The following MXRA5 variants were observed in gnomAD, a reference collection of about 807,000 sequenced individuals.
The protein encoded by MXRA5 is matrix-remodeling-associated protein 5.
Under a neutral mutation model 112.5 loss-of-function variants are expected in MXRA5, and 41 were observed. The ratio of observed to expected loss-of-function variants is 0.36; its 90% CI spans 0.28 to 0.47. The LOEUF (loss-of-function observed/expected upper bound fraction) is 0.47. Ranked by LOEUF, MXRA5 falls within the 20% of genes least tolerant of loss-of-function variation. The pLI is 0.99. For missense variants in MXRA5, 2,150 were observed against 2,251.0 expected, an observed-to-expected ratio of 0.96 and a Z score of 0.91; for synonymous variants, 862 against 900.8, an observed-to-expected ratio of 0.96 and a Z score of 0.77.
chrX:3,328,731 G>A (rs1241908288), intron 4 of MXRA5, among the ~76,000 whole-genome samples: 1 of 106,800 alleles, frequency 9.4e-6, no homozygotes, highest in African/African-American at 3.4e-5. Flanking sequence ...TAGGTTGCAA[G>A]GTAGGGCTTA....
Position 3,321,789 on chromosome X carries a change from G to A in MXRA5, c.3896C>T (p.Thr1299Ile). The A allele has an allele frequency of 2.5e-6, 3 of 1,210,508 alleles. No homozygotes were observed. The highest frequency in any genetic ancestry group is 3.4e-6 in the Non-Finnish European group (3 of 894,581). Residue 1299 changes from threonine to isoleucine, a missense_variant, in exon 5 of 7, where the codon ACC (threonine) becomes ATC (isoleucine). By Grantham distance (89) the Thr-to-Ile change is moderately conservative (BLOSUM62 -1). Around this residue, in one of 6 missense-constraint regions of MXRA5, gnomAD observed 1,485 missense variants for 1,471.6 expected, o/e 1.01. Transcript: ENST00000217939. Reference sequence around the variant, plus strand: ...AGGGTAAGATGAATATATTTTTCTGGTGGTTGTCATGTAATCTAAGGAATC... The same window carrying A: ...AGGGTAAGATGAATATATTTTTCTGATGGTTGTCATGTAATCTAAGGAATC... ...PYDSLDYMTT[T>I]RKIYSSYPKV...
At chrX:3,345,257 T>G (rs754389034) in intron 1 of MXRA5, among the ~76,000 whole-genome samples, 7 of 113,277 alleles carry the variant, frequency 6.2e-5, no homozygotes, top group African/African-American at 2.2e-4. Flanking sequence ...CGCGTCTCCC[T>G]TCAGCTGCCC....
chrX:3,310,484 G>T lies in MXRA5; in HGVS notation c.7719C>A (p.Ser2573Arg), dbSNP rs770798697. 16 of 1,201,738 alleles carry T rather than the reference G, an allele frequency of 1.3e-5. No homozygotes were observed. The highest frequency in any genetic ancestry group is 1.8e-5 in the Non-Finnish European group (16 of 891,894). ...TGCCATTGGGAAGGACCCACACCAG[G>T]CTGGGTGTCGGGGTCCCCGCGGCAG... ...NCSAAGTPTP[S>R]LVWVLPNGTD... The change falls in exon 7 of 7, where the codon AGC becomes AGA. Residue 2573 changes from serine (S) to arginine (R), a missense_variant. Transcript: ENST00000217939.
chrX:3,315,407 A>G (rs1921087808), intron 6 of MXRA5, among the ~76,000 whole-genome samples: 18 of 98,077 alleles, frequency 1.8e-4, no homozygotes, highest in Admixed American at 3.4e-4. Context: ...ATAGATAGAT[A>G]GATAGATAGA....
intron 4 of MXRA5, 138 bp from the exon 5 acceptor site, chrX:3,325,113 G>A: frequency 2.6e-6 from 2 of 764,145 alleles, no homozygotes; most frequent in Non-Finnish European, 3.5e-6. Context: ...CTATACATGA[G>A]TTGCCTTTGA....
chrX:3,309,795 C>A lies in MXRA5; in HGVS notation c.8408G>T (p.Arg2803Ile). 1 of 1,211,917 alleles carries A rather than the reference C, an allele frequency of 8.3e-7. No homozygotes were observed. Among genetic ancestry groups the A allele is most frequent in the Non-Finnish European group, 1.1e-6 (1 of 895,585 alleles). ...GSLTIQHATQ[R>I]DAGFYKCMAK... ...CATGCACTTGTAGAAGCCGGCATCTCTCTGTGTGGCATGCTGGATGGTCAG... is the reference window on the plus strand; with the variant it reads ...CATGCACTTGTAGAAGCCGGCATCTATCTGTGTGGCATGCTGGATGGTCAG... Residue 2803 changes from arginine (R) to isoleucine (I), a missense_variant, in exon 7 of 7, where the codon AGA becomes ATA. Physicochemically the swap from Arg to Ile is moderately conservative, Grantham distance 97. Around this residue, in one of 6 missense-constraint regions of MXRA5, gnomAD observed 178 missense variants for 198.2 expected, o/e 0.90. Coordinates refer to ENST00000217939, the MANE Select transcript of MXRA5 (RefSeq NM_015419.4).
At chrX:3,341,527 A>ATAT (rs1193098867) in intron 2 of MXRA5, among the ~76,000 whole-genome samples, 1 of 29,250 alleles carries the variant, frequency 3.4e-5, no homozygotes, top group Non-Finnish European at 4.5e-5. Context: ...TATATAATAT[A>ATAT]TATTATTATT....
rs1320238738 is a variant in MXRA5 at position 3,343,817 on chromosome X, T to C, written c.17A>G (p.His6Arg). 3 of 1,203,806 alleles carry C rather than the reference T, an allele frequency of 2.5e-6. No individual in the cohort carries two copies. Among genetic ancestry groups the C allele is most frequent in the Non-Finnish European group, 3.4e-6 (3 of 890,417 alleles). ...CAGCACCACGGAGAGGGCCCCCCAG[T>C]GCGCGCGCTTGGGCATCTTGTCGGG... is the stretch of plus-strand genomic sequence containing the variant. MPKRA[H>R]WGALSVVLIL... is the part of the protein sequence containing the mutation. The change falls in exon 2 of 7, where the codon CAC becomes CGC. Residue 6 changes from histidine to arginine, a missense_variant. Coordinates refer to ENST00000217939, the MANE Select transcript of MXRA5 (RefSeq NM_015419.4).
intron 1 of MXRA5, among the ~76,000 whole-genome samples, chrX:3,345,227 T>C (rs188588655): frequency 1.6e-3 from 185 of 112,988 alleles, no homozygotes; most frequent in African/African-American, 5.4e-3. Context: ...TAGAAAAGGT[T>C]ATTCTCTTAA....
Position 3,324,422 on chromosome X carries a change from C to T in MXRA5, c.1263G>A (p.Val421=). The part of the protein sequence containing the change: ...ADEEALYYTG[V]RAQILAEPEW... ...CTGGTTCTGCAAGAATCTGGGCTCT[C>T]ACACCTGTGTAGTAAAGAGCTTCCT... The change falls in exon 5 of 7, where the codon GTG becomes GTA. Residue 421 remains valine (V), a synonymous_variant. Transcript: ENST00000217939. The T allele has an allele frequency of 8.3e-7, 1 of 1,211,626 alleles. No individual in the cohort carries two copies. Among genetic ancestry groups the T allele is most frequent in the Admixed American group, 2.2e-5 (1 of 45,993 alleles).
chrX:3,334,815 C>A (rs1372964330), intron 2 of MXRA5, among the ~76,000 whole-genome samples: 2 of 111,976 alleles, frequency 1.8e-5, no homozygotes, highest in Non-Finnish European at 3.8e-5. Flanking sequence ...GAGTAGAAAT[C>A]TACCTGATAC....
intron 4 of MXRA5, among the ~76,000 whole-genome samples, chrX:3,325,441 T>C (rs1241283444): frequency 1.1e-5 from 1 of 91,971 alleles, no homozygotes; most frequent in Admixed American, 1.3e-4. Flanking sequence ...TATACCAATA[T>C]ATATTAAAAA....
At position 3,311,021 on chromosome X, in the gene MXRA5, C is replaced by T. The variant is rs903588501; in HGVS notation, c.7182G>A (p.Lys2394=). The T allele has an allele frequency of 1.2e-5, 15 of 1,209,688 alleles. No homozygotes were observed. The highest frequency in any genetic ancestry group is 2.3e-4 in the Middle Eastern group (1 of 4,353). The change falls in exon 7 of 7, where the codon AAG becomes AAA. Residue 2394 remains lysine (K), a synonymous_variant. Transcript: ENST00000217939. The part of the protein sequence containing the change: ...TNKVIPTSSE[K]YQIYQDGTLL... Reference sequence around the variant, plus strand: ...GAGTGCCATCTTGGTATATCTGATACTTCTCAGAGGAGGTGGGGATCACCT... The same window carrying T: ...GAGTGCCATCTTGGTATATCTGATATTTCTCAGAGGAGGTGGGGATCACCT...
In MXRA5 at chrX:3,317,849, C is replaced by T. The variant is rs145185070; in HGVS notation, c.5832G>A (p.Ser1944=). 2.0e-4 allele frequency: 240 copies of T among 1,209,158 alleles called. No homozygotes were observed. The highest frequency in any genetic ancestry group is 1.7e-3 in the African/African-American group (94 of 56,841). Residue 1944 remains serine, a synonymous_variant, in exon 6 of 7, where the codon TCG becomes TCA. Coordinates refer to ENST00000217939, the MANE Select transcript of MXRA5 (RefSeq NM_015419.4). The stretch of plus-strand genomic sequence containing the variant: ...GGATTTGAGGTTGCTGCACGGTGAC[C>T]GAAAGCAAGACCACCATCCTGTCCA... The part of the protein sequence containing the change: ...HGLDRMVVLL[S]VTVQQPQILA...
In MXRA5 at chrX:3,321,499, G is replaced by T; in HGVS notation, c.4186C>A (p.Pro1396Thr). 3 of 1,210,929 alleles carry T rather than the reference G, an allele frequency of 2.5e-6. No homozygotes were observed. The highest frequency in any genetic ancestry group is 3.4e-6 in the Non-Finnish European group (3 of 895,073). Residue 1396 changes from proline (P) to threonine (T), a missense_variant, in exon 5 of 7, where the codon CCT (proline) becomes ACT (threonine). By Grantham distance (38) the Pro-to-Thr change is conservative. Coordinates refer to ENST00000217939, the MANE Select transcript of MXRA5 (RefSeq NM_015419.4). ...AGATTTTCCCCAGAAGTGGTAACAG[G>T]TATGCCTGTCTGTAGCCTCCCAGGC... The part of the protein sequence containing the change: ...AQPGRLQTGI[P>T]VTTSGENLTD...
rs368772309 is a variant in MXRA5, at chrX:3,309,712, C to T, written c.*4G>A. On this transcript the variant is annotated 3_prime_UTR_variant, in exon 7 of 7. Coordinates refer to ENST00000217939, the MANE Select transcript of MXRA5 (RefSeq NM_015419.4). ...TCCTAAGCAATCATTCTGGAATCCACATTTCAGAAGACGTGGATGTAAGTT... is the reference window on the plus strand; with the variant it reads ...TCCTAAGCAATCATTCTGGAATCCATATTTCAGAAGACGTGGATGTAAGTT... 91 of 1,201,723 alleles carry T rather than the reference C, an allele frequency of 7.6e-5. No homozygotes were observed. The highest frequency in any genetic ancestry group is 9.9e-5 in the Non-Finnish European group (88 of 889,327).
Position 3,324,774 on chromosome X carries a change from C to A in MXRA5, c.911G>T (p.Ser304Ile). 8.3e-7 allele frequency: 1 copy of A among 1,209,924 alleles called. No individual in the cohort carries two copies. Among genetic ancestry groups the A allele is most frequent in the South Asian group, 1.8e-5 (1 of 56,666 alleles). ...TTGGAATTTCTCCAGGATGAGCTGG[C>A]TGCCACCATCCTCTTCCTGTTCTTG... Reference protein sequence around the residue: ...EEQEQEEDGGSQLILEKFQLP... With the variant: ...EEQEQEEDGGIQLILEKFQLP... The change falls in exon 5 of 7, where the codon AGC (serine) becomes ATC (isoleucine). Residue 304 changes from serine to isoleucine, a missense_variant. Ser to Ile is a moderately radical substitution (Grantham distance 142). This residue lies in a region of MXRA5 where 386 missense variants were observed against 411.0 expected (regional missense o/e 0.94). Coordinates refer to ENST00000217939, the MANE Select transcript of MXRA5 (RefSeq NM_015419.4).
Position 3,317,749 on chromosome X carries a change from G to C in MXRA5, c.5932C>G (p.Pro1978Ala), listed in dbSNP as rs1921189485. Residue 1978 changes from proline to alanine, a missense_variant, in exon 6 of 7, where the codon CCA becomes GCA. Coordinates refer to ENST00000217939, the MANE Select transcript of MXRA5 (RefSeq NM_015419.4). ...IAMECLAKGT[P>A]APQISWIFPD... ...AAGATCCAGGAAATTTGGGGGGCTGGGGTCCCTTTGGCCAGACACTCCATT... is the reference window on the plus strand; with the variant it reads ...AAGATCCAGGAAATTTGGGGGGCTGCGGTCCCTTTGGCCAGACACTCCATT... 2.5e-6 allele frequency: 3 copies of C among 1,206,337 alleles called. No individual in the cohort carries two copies. Among genetic ancestry groups the C allele is most frequent in the Admixed American group, 2.2e-5 (1 of 45,636 alleles).
rs767313319 is a variant in MXRA5 at position 3,317,636 on chromosome X, C to T, written c.6045G>A (p.Ala2015=). ...HENRTLSIKE[A]SFSDRGVYKC... ...TATAGACGCCTCTGTCTGAGAAGGACGCCTCCTTGATGGAAAGGGTCCGGT... is the reference window on the plus strand; with the variant it reads ...TATAGACGCCTCTGTCTGAGAAGGATGCCTCCTTGATGGAAAGGGTCCGGT... Residue 2015 remains alanine, a synonymous_variant, in exon 6 of 7, where the codon GCG becomes GCA. Transcript: ENST00000217939. The T allele has an allele frequency of 7.5e-6, 9 of 1,206,296 alleles. No homozygotes were observed. The highest frequency in any genetic ancestry group is 2.5e-4 in the Middle Eastern group (1 of 3,983).
Sources: gnomAD v4.1 joint callset for allele counts (sites outside exome capture counted in the v4.1 genomes callset) on GRCh38, gnomAD v4.1.1 for gene constraint, gnomAD v4.1.1 regional missense constraint, MANE v1.5 for transcripts, NCBI Gene and HGNC (gene_info 2026-07-23, HGNC 2026-07-21) for gene names.